The following VRK2 variants were observed in gnomAD, a reference collection of about 807,000 sequenced individuals.
VRK2 encodes serine/threonine-protein kinase VRK2.
In VRK2, 60 loss-of-function variants were observed where a neutral mutation model predicts 57.6. The ratio of observed to expected loss-of-function variants is 1.04; its 90% confidence interval spans 0.85 to 1.29. The LOEUF (loss-of-function observed/expected upper bound fraction) is 1.29. Ranked by LOEUF, VRK2 falls within the 50% of genes most tolerant of loss-of-function variation. The probability of loss-of-function intolerance (pLI) is 0.00; values close to 1 mark genes in which losing one functional copy is unlikely to be tolerated. For missense variants in VRK2, 705 were observed against 588.1 expected (o/e 1.20, Z -2.06); for synonymous variants, 231 against 199.2 (o/e 1.16, Z -1.35).
intron 2 of VRK2, among the ~76,000 whole-genome samples, chr2:58,049,406 G>A (rs1362101773): frequency 6.6e-6 from 1 of 152,058 alleles, no homozygotes; most frequent in Non-Finnish European, 1.5e-5. Context: ...TAAAACTTAA[G>A]GCATCTATTC....
Position 58,139,801 on chromosome 2 carries a change from G to C in VRK2, c.992G>C (p.Ser331Thr). The C allele has an allele frequency of 6.2e-7, 1 of 1,612,670 alleles. No individual in the cohort carries two copies. The highest frequency in any genetic ancestry group is 8.5e-7 in the Non-Finnish European group (1 of 1,179,178). ...GPLDFSTKGQ[S>T]INVHTPNSQK... ...CTGGACTTTTCCACAAAAGGACAGA[G>C]TATAAATGTCCATACTCCAAACAGT... Residue 331 changes from serine (S) to threonine (T), a missense_variant, in exon 11 of 13, where the codon AGT becomes ACT. Coordinates refer to ENST00000340157, the MANE Select transcript of VRK2 (RefSeq NM_006296.7).
chr2:58,141,520 G>A (rs142392901), intron 11 of VRK2, among the ~76,000 whole-genome samples: 346 of 151,994 alleles, frequency 2.3e-3, no homozygotes, highest in African/African-American at 8.0e-3. Context: ...AATAATACAT[G>A]CTTTTAAGAC....
At chr2:58,046,800 C>T (rs958151126), upstream of VRK2, 2 of 985,518 alleles carry the variant, frequency 2.0e-6, no homozygotes, top group African/African-American at 3.5e-5. Context: ...GGCCCGGGGG[C>T]TCCGCCTCGT....
In VRK2 at chr2:58,133,474, G is replaced by A. The variant is rs550092642; in HGVS notation, c.797+1546G>A. On this transcript the variant is annotated intron_variant, in intron 9 of 12. Coordinates refer to ENST00000340157, the MANE Select transcript of VRK2 (RefSeq NM_006296.7). ...TACATAATCATAATTTATTCAACTT[G>A]CTGAGAAGGTATGACACTGAAATTC... 7.1e-4 allele frequency among the ~76,000 whole-genome samples: 108 copies of A among 152,152 alleles called. 1 individual carries two copies. The South Asian group carries it at 0.021, about 29-fold the overall frequency.
At chr2:57,992,481 A>G (rs893258067) in intron 1 of VRK2, among the ~76,000 whole-genome samples, 1 of 152,256 alleles carries the variant, frequency 6.6e-6, no homozygotes, top group African/African-American at 2.4e-5. Flanking sequence ...CAGTAAAGTT[A>G]AACATGAGAA....
chr2:57,995,858 C>T (rs1232448957), intron 1 of VRK2, among the ~76,000 whole-genome samples: 1 of 152,086 alleles, frequency 6.6e-6, no homozygotes, highest in Non-Finnish European at 1.5e-5. Flanking sequence ...GCACTTTTAC[C>T]CACCATTGCT....
intron 3 of VRK2, among the ~76,000 whole-genome samples, chr2:58,036,765 G>C (rs1674287823): frequency 6.6e-6 from 1 of 151,896 alleles, no homozygotes; most frequent in African/African-American, 2.4e-5. Flanking sequence ...CAAGTCTCCA[G>C]TGATTTTCTA....
intron 1 of VRK2, among the ~76,000 whole-genome samples, chr2:57,991,670 C>T (rs1248513354): frequency 1.3e-5 from 2 of 151,702 alleles, no homozygotes; most frequent in Admixed American, 6.6e-5. Flanking sequence ...TGATTTTGGC[C>T]GGGTGTGGTA....
At chr2:58,047,398 AC>A (rs1268482911) in intron 1 of VRK2, 10 of 984,910 alleles carry the variant, frequency 1.0e-5, no homozygotes, top group Non-Finnish European at 1.2e-5. Flanking sequence ...CCGAAGGGAC[AC>A]CCCTGACAGG....
At chr2:58,058,630 C>T (rs928867538) in intron 2 of VRK2, 33 of 201,146 alleles carry the variant, frequency 1.6e-4, no homozygotes, top group African/African-American at 7.8e-4. Context: ...TCAGATGTGT[C>T]TGTAGTATCT....
At chr2:58,109,675 C>T (rs749057883) in intron 7 of VRK2, among the ~76,000 whole-genome samples, 1 of 152,180 alleles carries the variant, frequency 6.6e-6, no homozygotes, top group Non-Finnish European at 1.5e-5. Flanking sequence ...ATGCGGGAAC[C>T]GCCCCCATGA....
intron 1 of VRK2, among the ~76,000 whole-genome samples, chr2:58,010,469 C>T (rs2103646128): frequency 6.6e-6 from 1 of 152,190 alleles, no homozygotes; most frequent in South Asian, 2.1e-4. Flanking sequence ...GTCCCCTACT[C>T]ACCCTTGGCT....
At chr2:58,022,184 G>A (rs773463497) in intron 1 of VRK2, among the ~76,000 whole-genome samples, 44 of 152,324 alleles carry the variant, frequency 2.9e-4, no homozygotes, top group Non-Finnish European at 5.6e-4. Context: ...AATAGTGTCA[G>A]TGCCTTTAGA....
chr2:57,988,402 T>C (rs1672664736), intron 1 of VRK2, among the ~76,000 whole-genome samples: 3 of 152,198 alleles, frequency 2.0e-5, no homozygotes, highest in African/African-American at 4.8e-5. Flanking sequence ...ATTTTATGTG[T>C]CTACATGACT....
intron 2 of VRK2, among the ~76,000 whole-genome samples, chr2:58,050,460 C>T (rs991626770): frequency 7.9e-5 from 12 of 152,108 alleles, no homozygotes; most frequent in African/African-American, 2.7e-4. Flanking sequence ...AGTATACTGT[C>T]TTGACTCAAG....
intron 9 of VRK2, among the ~76,000 whole-genome samples, chr2:58,134,228 T>C (rs7566805): frequency 0.01 from 1,561 of 152,246 alleles, 25 homozygotes; most frequent in African/African-American, 0.035. Context: ...GGCATTAAAC[T>C]TAGGAAGGTC....
chr2:58,113,685 C>T (rs188855482), intron 7 of VRK2, among the ~76,000 whole-genome samples: 19 of 152,184 alleles, frequency 1.2e-4, no homozygotes, highest in Admixed American at 7.2e-4. Flanking sequence ...GAAATTCACA[C>T]GGTTAATCAC....
intron 1 of VRK2, among the ~76,000 whole-genome samples, chr2:57,981,565 G>A (rs1460755802): frequency 6.6e-6 from 1 of 152,142 alleles, no homozygotes; most frequent in Non-Finnish European, 1.5e-5. Flanking sequence ...TGAATTTTAT[G>A]ATTTGCATGC....
chr2:57,982,324 T>C (rs992630394), intron 1 of VRK2, among the ~76,000 whole-genome samples: 2 of 152,180 alleles, frequency 1.3e-5, no homozygotes, highest in African/African-American at 4.8e-5. Context: ...GCAAAAGTGC[T>C]CTGGGCGGAG....
Sources: allele counts gnomAD v4.1 joint callset (sites outside exome capture counted in the v4.1 genomes callset), GRCh38; gene constraint gnomAD v4.1.1; transcripts MANE v1.5; gene names NCBI Gene and HGNC (gene_info 2026-07-23, HGNC 2026-07-21).